The following NDST3 variants were observed in gnomAD, a reference collection of about 807,000 sequenced individuals.
NDST3 encodes N-deacetylase and N-sulfotransferase 3.
NDST3 carries 58 observed loss-of-function variants against 96.1 expected under a neutral mutation model. The observed-to-expected ratio is 0.60, with a 90% CI of 0.49 to 0.75. The LOEUF (loss-of-function observed/expected upper bound fraction) is 0.75, where lower values mean the gene tolerates loss of function less well. NDST3 is among the 30% of genes least tolerant of loss of function. The probability of loss-of-function intolerance (pLI) is 0.00; values close to 1 mark genes in which losing one functional copy is unlikely to be tolerated. For synonymous variants in NDST3, 333 were observed against 359.7 expected, an observed-to-expected ratio of 0.93 and a Z score of 0.84; for missense variants, 788 against 1,034.2, an observed-to-expected ratio of 0.76 and a Z score of 3.27.
At chr4:118,122,861 G>A (rs1034969488) in intron 4 of NDST3, among the ~76,000 whole-genome samples, 1 of 152,058 alleles carries the variant, frequency 6.6e-6, no homozygotes, top group Non-Finnish European at 1.5e-5. Flanking sequence ...GCTTATTCTC[G>A]TATTGAAAAT....
intron 1 of NDST3, among the ~76,000 whole-genome samples, chr4:118,053,332 A>G (rs1394842901): frequency 6.6e-6 from 1 of 152,022 alleles, no homozygotes; most frequent in Non-Finnish European, 1.5e-5. Flanking sequence ...AAAGAAAAAC[A>G]CATGTTTTAA....
intron 12 of NDST3, among the ~76,000 whole-genome samples, chr4:118,249,039 C>T (rs1741490339): frequency 6.6e-6 from 1 of 152,182 alleles, no homozygotes; most frequent in Non-Finnish European, 1.5e-5. Context: ...GCCAGCTACA[C>T]ACACAGTTTT....
chr4:118,247,686 A>T (rs79198218), intron 12 of NDST3, among the ~76,000 whole-genome samples: 6,621 of 152,314 alleles, frequency 0.043, 219 homozygotes, highest in Non-Finnish European at 0.069. Context: ...GATTGTGGTG[A>T]TAATTGTACA....
chr4:118,101,714 G>A (rs941234372), intron 2 of NDST3, among the ~76,000 whole-genome samples: 5 of 151,910 alleles, frequency 3.3e-5, no homozygotes, highest in African/African-American at 1.2e-4. Context: ...TACACACCTA[G>A]GACCACCAAA....
chr4:118,066,238 T>C (rs1204816290), intron 2 of NDST3, among the ~76,000 whole-genome samples: 21 of 54,344 alleles, frequency 3.9e-4, no homozygotes, highest in Admixed American at 7.0e-4. Flanking sequence ...ATATATTATA[T>C]ATTATATATA....
chr4:118,193,471 G>A, intron 6 of NDST3: 1 of 761,532 alleles, frequency 1.3e-6, no homozygotes, highest in Non-Finnish European at 2.2e-6. Context: ...CCATCTCTGT[G>A]TCAGTGAGAT....
At chr4:118,161,319 G>T (rs1735110944) in intron 6 of NDST3, among the ~76,000 whole-genome samples, 1 of 152,192 alleles carries the variant, frequency 6.6e-6, no homozygotes, top group Non-Finnish European at 1.5e-5. Flanking sequence ...CGGGGGTCAG[G>T]GTCAGGGACC....
chr4:118,174,535 C>A (rs1736156340), intron 6 of NDST3, among the ~76,000 whole-genome samples: 1 of 152,124 alleles, frequency 6.6e-6, no homozygotes, highest in South Asian at 2.1e-4. Flanking sequence ...ACAGAGATCT[C>A]AACAGTGCTG....
chr4:118,046,979 T>A (rs1293671673), intron 1 of NDST3, among the ~76,000 whole-genome samples: 4 of 152,126 alleles, frequency 2.6e-5, no homozygotes, highest in Non-Finnish European at 5.9e-5. Flanking sequence ...TCCCCCAAGG[T>A]CCAAGAGTGG....
chr4:118,157,897 G>A (rs1160474055), intron 6 of NDST3, among the ~76,000 whole-genome samples: 1 of 152,132 alleles, frequency 6.6e-6, no homozygotes, highest in African/African-American at 2.4e-5. Context: ...TTTGAGTACA[G>A]TATTCTAACT....
At chr4:118,166,406 A>C (rs1178449263) in intron 6 of NDST3, among the ~76,000 whole-genome samples, 1 of 151,980 alleles carries the variant, frequency 6.6e-6, no homozygotes, top group Non-Finnish European at 1.5e-5. Context: ...CTGAGTCACT[A>C]ACCAAAAGCC....
intron 4 of NDST3, 107 bp downstream of exon 4, chr4:118,115,067 T>C (rs1426310568): frequency 8.2e-7 from 1 of 1,220,070 alleles, no homozygotes; most frequent in Non-Finnish European, 1.2e-6. Flanking sequence ...TTCCATATGA[T>C]CATTTGGAAT....
At position 118,124,737 on chromosome 4, in the gene NDST3, T is replaced by A. The variant is rs72907133; in HGVS notation, c.1224+9777T>A. Among the ~76,000 whole-genome samples, 674 of 152,200 alleles carry A rather than the reference T, an allele frequency of 4.4e-3. 8 individuals are homozygous for A. The highest frequency in any genetic ancestry group is 0.015 in the African/African-American group (627 of 41,558). On this transcript the variant is annotated intron_variant, in intron 4 of 13. Coordinates refer to ENST00000296499, the MANE Select transcript of NDST3 (RefSeq NM_004784.3). ...TACTAAATTAAACACCATACACTCATCTCTTTTCCGGAGATGAGTAACTCC... is the reference window on the plus strand; with the variant it reads ...TACTAAATTAAACACCATACACTCAACTCTTTTCCGGAGATGAGTAACTCC...
At chr4:118,053,325 G>T (rs985194682) in intron 1 of NDST3, among the ~76,000 whole-genome samples, 2 of 151,874 alleles carry the variant, frequency 1.3e-5, no homozygotes, top group Non-Finnish European at 2.9e-5. Flanking sequence ...TTGCAGAAAA[G>T]AAAAACACAT....
intron 6 of NDST3, among the ~76,000 whole-genome samples, chr4:118,154,409 A>C (rs564472544): frequency 1.3e-5 from 2 of 152,306 alleles, no homozygotes; most frequent in South Asian, 4.1e-4. Context: ...AATGTATTTT[A>C]ATGATTGACT....
chr4:118,098,426 A>G (rs571214688), intron 2 of NDST3, among the ~76,000 whole-genome samples: 38 of 152,026 alleles, frequency 2.5e-4, no homozygotes, highest in Non-Finnish European at 5.6e-4. Flanking sequence ...CATGTCAACC[A>G]TAAGCTAAAT....
At chr4:118,035,270 A>G (rs1406302806) in intron 1 of NDST3, among the ~76,000 whole-genome samples, 1 of 152,132 alleles carries the variant, frequency 6.6e-6, no homozygotes, top group Non-Finnish European at 1.5e-5. Flanking sequence ...TAGTATCTAT[A>G]TTCTTTATAA....
At chr4:118,039,673 C>A (rs1724336503) in intron 1 of NDST3, among the ~76,000 whole-genome samples, 1 of 151,982 alleles carries the variant, frequency 6.6e-6, no homozygotes, top group African/African-American at 2.4e-5. Context: ...TTTTGTGAGG[C>A]AGGGATATAT....
chr4:118,211,320 T>C (rs1738782578), intron 6 of NDST3, among the ~76,000 whole-genome samples: 1 of 152,176 alleles, frequency 6.6e-6, no homozygotes, highest in Admixed American at 6.6e-5. Context: ...ATTGCTTTAG[T>C]AATAATATCC....
Sources: gnomAD v4.1 joint callset for allele counts (sites outside exome capture counted in the v4.1 genomes callset) on GRCh38, gnomAD v4.1.1 for gene constraint, MANE v1.5 for transcripts, NCBI Gene and HGNC (gene_info 2026-07-23, HGNC 2026-07-21) for gene names.